The following CDH4 variants were observed in gnomAD, a reference collection of about 807,000 sequenced individuals.
CDH4 encodes cadherin 4.
In CDH4, 33 loss-of-function variants were observed where a neutral mutation model predicts 86.0. The ratio of observed to expected loss-of-function variants is 0.38; its 90% CI spans 0.29 to 0.51. CDH4 has a LOEUF of 0.51. Ranked by LOEUF, CDH4 falls within the 20% of genes least tolerant of loss-of-function variation. The pLI is 0.86. For missense variants in CDH4, 1,114 were observed against 1,307.4 expected (o/e 0.85, Z 2.28); for synonymous variants, 555 against 549.4 (o/e 1.01, Z -0.14).
chr20:61,297,658 C>T (rs1228608182), intron 2 of CDH4, among the ~76,000 whole-genome samples: 1 of 152,254 alleles, frequency 6.6e-6, no homozygotes, highest in Non-Finnish European at 1.5e-5. Flanking sequence ...GTCGATTGCA[C>T]CAAGAAGCTC....
intron 2 of CDH4, among the ~76,000 whole-genome samples, chr20:61,320,743 A>C (rs923120213): frequency 6.6e-6 from 1 of 151,800 alleles, no homozygotes; most frequent in Non-Finnish European, 1.5e-5. Flanking sequence ...AGACCTGAAG[A>C]TGAACAGGAG....
At chr20:61,444,423 GTGTA>G (rs1296848908) in intron 2 of CDH4, among the ~76,000 whole-genome samples, 2 of 151,834 alleles carry the variant, frequency 1.3e-5, no homozygotes, top group Admixed American at 6.6e-5. Context: ...CTGTATATAT[GTGTA>G]TGTGTGTGTG....
intron 2 of CDH4, among the ~76,000 whole-genome samples, chr20:61,310,824 G>A (rs1325422264): frequency 3.3e-5 from 5 of 152,110 alleles, no homozygotes; most frequent in Admixed American, 1.3e-4. Flanking sequence ...GCGTGTCTGC[G>A]TCCTAGCTCC....
At chr20:61,806,743 G>A (rs4925295) in intron 4 of CDH4, among the ~76,000 whole-genome samples, 133,726 of 152,120 alleles carry the variant, frequency 0.88, 58,896 homozygotes, top group East Asian at 0.92. Context: ...TCCCTGCCAC[G>A]GCTGCTGTGA....
At chr20:61,502,823 A>C (rs529514972) in intron 2 of CDH4, among the ~76,000 whole-genome samples, 1 of 152,318 alleles carries the variant, frequency 6.6e-6, no homozygotes, top group South Asian at 2.1e-4. Context: ...GGGCTCCTGA[A>C]TTGGAGACAT....
At chr20:61,655,092 C>T (rs781472128) in intron 2 of CDH4, among the ~76,000 whole-genome samples, 2 of 152,190 alleles carry the variant, frequency 1.3e-5, no homozygotes, top group African/African-American at 4.8e-5. Flanking sequence ...AAGGATATTA[C>T]GTTTGTAACT....
At chr20:61,376,523 G>A (rs951672400) in intron 2 of CDH4, among the ~76,000 whole-genome samples, 8 of 152,278 alleles carry the variant, frequency 5.3e-5, no homozygotes, top group South Asian at 2.1e-4. Flanking sequence ...ATGGTGAGGA[G>A]GCTGAGGTGG....
At chr20:61,490,656 G>C (rs1203004360) in intron 2 of CDH4, among the ~76,000 whole-genome samples, 1 of 151,924 alleles carries the variant, frequency 6.6e-6, no homozygotes, top group African/African-American at 2.4e-5. Context: ...CTGAGATCAC[G>C]CCATTGCACT....
At chr20:61,744,102 G>A (rs2145943923) in intron 3 of CDH4, among the ~76,000 whole-genome samples, 1 of 152,322 alleles carries the variant, frequency 6.6e-6, no homozygotes, top group African/African-American at 2.4e-5. Context: ...ACTGGGCACT[G>A]CAAATTCTGG....
At chr20:61,779,686 G>A (rs574297461) in intron 4 of CDH4, among the ~76,000 whole-genome samples, 8 of 152,372 alleles carry the variant, frequency 5.3e-5, no homozygotes, top group African/African-American at 1.9e-4. Flanking sequence ...GAGATGGGCT[G>A]GGTCTTTGGG....
At chr20:61,638,263 A>G (rs1323786922) in intron 2 of CDH4, among the ~76,000 whole-genome samples, 1 of 152,158 alleles carries the variant, frequency 6.6e-6, no homozygotes, top group Non-Finnish European at 1.5e-5. Flanking sequence ...CTGAGTAAAC[A>G]CTTACCTCGA....
At chr20:61,862,590 C>T (rs927440916) in intron 6 of CDH4, among the ~76,000 whole-genome samples, 12 of 152,192 alleles carry the variant, frequency 7.9e-5, no homozygotes, top group African/African-American at 1.9e-4. Flanking sequence ...CTGGACCCCT[C>T]GCTCCCCATC....
chr20:61,681,606 G>A lies in CDH4; in HGVS notation c.170-61957G>A, dbSNP rs1167959343. Among the ~76,000 whole-genome samples the A allele has an allele frequency of 1.3e-5, 2 of 152,180 alleles. No homozygotes were observed. The highest frequency in any genetic ancestry group is 3.8e-4 in the East Asian group (2 of 5,196). ...GGGGGCATCATCTAGCAGCTGGGAG[G>A]AGTCTCAGGATCCCCCTGCAGGAAG... On this transcript the variant is annotated intron_variant, in intron 2 of 15. Transcript: ENST00000614565. The surrounding 1 kb of genome is among the most constrained non-coding windows in gnomAD (Gnocchi z 4.5).
intron 2 of CDH4, among the ~76,000 whole-genome samples, chr20:61,318,127 C>T (rs966760409): frequency 6.6e-6 from 1 of 152,186 alleles, no homozygotes; most frequent in African/African-American, 2.4e-5. Flanking sequence ...CGCCCCCACC[C>T]TGTGCTGTTG....
intron 13 of CDH4, among the ~76,000 whole-genome samples, chr20:61,932,751 T>G (rs780233930): frequency 6.6e-6 from 1 of 152,098 alleles, no homozygotes; most frequent in Non-Finnish European, 1.5e-5. Context: ...AGCACCTACA[T>G]CCACGAATGC....
chr20:61,380,138 C>G (rs1246955310), intron 2 of CDH4, among the ~76,000 whole-genome samples: 1 of 152,182 alleles, frequency 6.6e-6, no homozygotes, highest in Non-Finnish European at 1.5e-5. Flanking sequence ...TTCACTTCAT[C>G]AGACATTTAG....
chr20:61,503,949 C>T (rs956056423), intron 2 of CDH4, among the ~76,000 whole-genome samples: 10 of 152,182 alleles, frequency 6.6e-5, no homozygotes, highest in African/African-American at 2.4e-4. Flanking sequence ...GAACATGAGC[C>T]AGGTCGGCCA....
At chr20:61,626,934 G>A (rs558409650) in intron 2 of CDH4, among the ~76,000 whole-genome samples, 3 of 152,268 alleles carry the variant, frequency 2.0e-5, no homozygotes, top group Non-Finnish European at 4.4e-5. Context: ...TGAAAATCAG[G>A]GCTTCAGAAT....
At chr20:61,803,976 T>G (rs1316181356) in intron 4 of CDH4, among the ~76,000 whole-genome samples, 1 of 152,336 alleles carries the variant, frequency 6.6e-6, no homozygotes, top group Non-Finnish European at 1.5e-5. Flanking sequence ...CGAGTGAAAC[T>G]TTTTTGTTGT....
Sources: gnomAD v4.1 joint callset for allele counts (sites outside exome capture counted in the v4.1 genomes callset) on GRCh38, gnomAD v4.1.1 for gene constraint, Gnocchi (gnomAD v3.1) non-coding constraint, MANE v1.5 for transcripts, NCBI Gene and HGNC (gene_info 2026-07-23, HGNC 2026-07-21) for gene names.